The following CFTR variants were observed in gnomAD, a reference collection of about 807,000 sequenced individuals.
CFTR encodes the protein CF transmembrane conductance regulator, also known as cystic fibrosis transmembrane conductance regulator.
A neutral mutation model predicts 171.6 loss-of-function variants in CFTR; 181 were observed. The observed-to-expected ratio is 1.05, with a 90% confidence interval of 0.93 to 1.19. The LOEUF (loss-of-function observed/expected upper bound fraction) is 1.19. Among genes scored for constraint, CFTR ranks in the 50% most tolerant of loss-of-function variants. CFTR has a pLI of 0.00. For missense variants in CFTR, 1,968 were observed against 1,734.7 expected (o/e 1.13, Z -2.39); for synonymous variants, 583 against 608.0 (o/e 0.96, Z 0.60).
intron 9 of CFTR, among the ~76,000 whole-genome samples, chr7:117,546,811 G>A (rs28590120): frequency 1.2e-4 from 18 of 152,232 alleles, no homozygotes; most frequent in African/African-American, 4.1e-4. Context: ...CTAAATCATT[G>A]TGCATGCAGA....
chr7:117,619,469 A>G (rs1183855815), intron 21 of CFTR, among the ~76,000 whole-genome samples: 1 of 152,190 alleles, frequency 6.6e-6, no homozygotes, highest in Non-Finnish European at 1.5e-5. Flanking sequence ...TGTCTATCAC[A>G]TAGTGAGCAC....
intron 11 of CFTR, among the ~76,000 whole-genome samples, chr7:117,565,948 A>T (rs1219298468): frequency 6.6e-6 from 1 of 152,152 alleles, no homozygotes; most frequent in East Asian, 1.9e-4. Context: ...TGACTGATTA[A>T]ATTTGAATTT....
chr7:117,499,306 A>G lies in CFTR; in HGVS notation c.54-4947A>G, dbSNP rs543343229. ...TTATATGACTTTAGGAGGATATGTTATGAAAATCAAAGCTTTAATAGTGAT... is the reference window on the plus strand; with the variant it reads ...TTATATGACTTTAGGAGGATATGTTGTGAAAATCAAAGCTTTAATAGTGAT... On this transcript the variant is annotated intron_variant, in intron 1 of 26. Transcript: ENST00000003084. Among the ~76,000 whole-genome samples the G allele has an allele frequency of 1.1e-4, 17 of 152,200 alleles. No individual in the cohort carries two copies. The South Asian group carries it at 3.3e-3, about 30-fold the overall frequency.
intron 17 of CFTR, among the ~76,000 whole-genome samples, chr7:117,605,801 A>T (rs2116066821): frequency 6.6e-6 from 1 of 152,320 alleles, no homozygotes; most frequent in Middle Eastern, 3.4e-3. Context: ...GGAAGCTTGT[A>T]CTAGGTAGGT....
chr7:117,627,515 AT>A lies in CFTR; in HGVS notation c.3469-4del, dbSNP rs775634674. On this transcript the variant is annotated splice_region_variant and splice_polypyrimidine_tract_variant and intron_variant, in intron 21 of 26. Coordinates refer to ENST00000003084, the MANE Select transcript of CFTR (RefSeq NM_000492.4). ...TAAAAACAAAAATGTTGTTATTTTT[AT>A]TTCAGATGCGATCTGTGAGCCGAGT... The A allele has an allele frequency of 3.7e-6, 6 of 1,612,854 alleles. No individual in the cohort carries two copies. Among genetic ancestry groups the A allele is most frequent in the Non-Finnish European group, 5.1e-6 (6 of 1,179,192 alleles).
chr7:117,607,598 T>A (rs1039608917), intron 18 of CFTR, among the ~76,000 whole-genome samples: 55 of 151,650 alleles, frequency 3.6e-4, no homozygotes, highest in Non-Finnish European at 2.7e-4. Flanking sequence ...TGGAATAGGA[T>A]GTTGCCCATG....
At chr7:117,505,468 C>T (rs985190161) in intron 2 of CFTR, among the ~76,000 whole-genome samples, 8 of 152,178 alleles carry the variant, frequency 5.3e-5, no homozygotes, top group African/African-American at 1.9e-4. Context: ...CACCTGGTGG[C>T]ATTTGCCTTA....
intron 2 of CFTR, among the ~76,000 whole-genome samples, chr7:117,506,655 A>G (rs1200044329): frequency 6.6e-6 from 1 of 152,216 alleles, no homozygotes; most frequent in Non-Finnish European, 1.5e-5. Flanking sequence ...GAGAACATGA[A>G]TCTGAATTTG....
chr7:117,621,277 G>T (rs969994212), intron 21 of CFTR, among the ~76,000 whole-genome samples: 7 of 152,190 alleles, frequency 4.6e-5, no homozygotes, highest in African/African-American at 1.7e-4. Flanking sequence ...TGAACTACAT[G>T]CTAAGACTCA....
At chr7:117,635,529 A>T (rs1176161922) in intron 22 of CFTR, among the ~76,000 whole-genome samples, 1 of 151,764 alleles carries the variant, frequency 6.6e-6, no homozygotes, top group African/African-American at 2.4e-5. Flanking sequence ...TTATATTTTT[A>T]TTGTCTACTC....
At chr7:117,512,633 C>CAAA (rs5886861) in intron 3 of CFTR, among the ~76,000 whole-genome samples, 16 of 68,872 alleles carry the variant, frequency 2.3e-4, no homozygotes, top group East Asian at 8.5e-4. Context: ...GACTCCATCT[C>CAAA]AAAAAAAAAA....
intron 24 of CFTR, 86 bp downstream of exon 24, chr7:117,653,017 T>G: frequency 1.2e-6 from 1 of 862,182 alleles, no homozygotes; most frequent in Non-Finnish European, 2.0e-6. Flanking sequence ...TCTACACACT[T>G]TGTGTGCATG....
At chr7:117,558,088 T>G (rs1033109248) in intron 10 of CFTR, among the ~76,000 whole-genome samples, 4 of 152,136 alleles carry the variant, frequency 2.6e-5, no homozygotes, top group Non-Finnish European at 5.9e-5. Flanking sequence ...TTTTGTAAAT[T>G]TGTTTCATCT....
intron 24 of CFTR, 84 bp downstream of exon 24, chr7:117,653,015 C>G: frequency 1.2e-6 from 1 of 866,882 alleles, no homozygotes; most frequent in Non-Finnish European, 2.0e-6. Context: ...ATTCTACACA[C>G]TTTGTGTGCA....
chr7:117,496,967 T>G (rs1425228356), intron 1 of CFTR, among the ~76,000 whole-genome samples: 1 of 152,120 alleles, frequency 6.6e-6, no homozygotes. Flanking sequence ...ATTTTCTTGA[T>G]GGTGTCCTTT....
intron 11 of CFTR, among the ~76,000 whole-genome samples, chr7:117,583,124 C>T (rs1791873557): frequency 6.6e-6 from 1 of 152,106 alleles, no homozygotes; most frequent in African/African-American, 2.4e-5. Flanking sequence ...AATGAAATTG[C>T]ATTTGTAGTC....
At chr7:117,628,267 A>G (rs1278985966) in intron 22 of CFTR, among the ~76,000 whole-genome samples, 2 of 152,178 alleles carry the variant, frequency 1.3e-5, no homozygotes, top group African/African-American at 4.8e-5. Context: ...TATATTTATT[A>G]AGCATGAGTA....
At chr7:117,570,517 G>A (rs1027446459) in intron 11 of CFTR, among the ~76,000 whole-genome samples, 1 of 152,056 alleles carries the variant, frequency 6.6e-6, no homozygotes, top group Non-Finnish European at 1.5e-5. Context: ...AAAATGTTGT[G>A]GTTAGAAGTT....
At chr7:117,625,543 G>T (rs374406491) in intron 21 of CFTR, among the ~76,000 whole-genome samples, 102 of 152,162 alleles carry the variant, frequency 6.7e-4, no homozygotes, top group African/African-American at 2.4e-3. Flanking sequence ...TAGATTGTTT[G>T]GAAGTATTAA....
Sources: allele counts gnomAD v4.1 joint callset (sites outside exome capture counted in the v4.1 genomes callset), GRCh38; gene constraint gnomAD v4.1.1; transcripts MANE v1.5; gene names NCBI Gene and HGNC (gene_info 2026-07-23, HGNC 2026-07-21).